Variants in RP2 observed in about 807,000 individuals in gnomAD.
The protein encoded by RP2 is protein XRP2.
Under a neutral mutation model 20.3 loss-of-function variants are expected in RP2, and 3 were observed. The observed-to-expected ratio is 0.15, with a 90% CI of 0.07 to 0.38. The LOEUF (loss-of-function observed/expected upper bound fraction) is 0.38, where lower values mean the gene tolerates loss of function less well. Ranked by LOEUF, RP2 falls within the 10% of genes least tolerant of loss-of-function variation. RP2 has a pLI of 1.00. For missense variants in RP2, 233 were observed against 268.5 expected (o/e 0.87, Z 0.92); for synonymous variants, 75 against 94.8 (o/e 0.79, Z 1.22).
At chrX:46,866,408 C>G (rs1556322527) in intron 3 of RP2, among the ~76,000 whole-genome samples, 3 of 111,913 alleles carry the variant, frequency 2.7e-5, no homozygotes, top group African/African-American at 9.7e-5. Flanking sequence ...GACCCTAATC[C>G]AGCACCACAG....
chrX:46,860,782 C>A (rs1210884540), intron 3 of RP2, among the ~76,000 whole-genome samples: 6 of 111,607 alleles, frequency 5.4e-5, no homozygotes, highest in Admixed American at 2.9e-4. Context: ...CCTTGACTGG[C>A]CTGAGCAAAT....
At chrX:46,867,826 C>G (rs1430642217) in intron 3 of RP2, among the ~76,000 whole-genome samples, 1 of 112,024 alleles carries the variant, frequency 8.9e-6, no homozygotes, top group Non-Finnish European at 1.9e-5. Flanking sequence ...CTGCAAATGA[C>G]AGGATTTCAT....
rs1925463584 is a variant in RP2, at chrX:46,881,234, C to A, written c.*1465C>A. On this transcript the variant is annotated 3_prime_UTR_variant, in exon 5 of 5. Coordinates refer to ENST00000218340, the MANE Select transcript of RP2 (RefSeq NM_006915.3). ...TAATTAGTAATATTGAGCGCTCACC[C>A]TGTGCGTGGCCTTGTGCTAACCATT... 2 of 111,301 alleles carry A rather than the reference C, an allele frequency of 1.8e-5. No individual in the cohort carries two copies. Among genetic ancestry groups the A allele is most frequent in the African/African-American group, 6.5e-5 (2 of 30,581 alleles). The allele number at this position is 111,301 out of a possible 1,213,427, so 9.2% of individuals were successfully genotyped here. A position where few individuals can be genotyped will look rare whatever the true frequency, so the allele number is the denominator to read the frequency against.
intron 3 of RP2, among the ~76,000 whole-genome samples, chrX:46,873,513 A>T (rs1925325271): frequency 8.9e-6 from 1 of 112,199 alleles, no homozygotes. Flanking sequence ...TGTAGTTTTT[A>T]AAAAATTTAG....
intron 1 of RP2, among the ~76,000 whole-genome samples, chrX:46,843,306 C>G (rs934935051): frequency 9.0e-6 from 1 of 111,702 alleles, no homozygotes; most frequent in African/African-American, 3.3e-5. Context: ...CGCGACTGGC[C>G]TATGTTTAAC....
chrX:46,847,466 G>T (rs1286054754), intron 1 of RP2, among the ~76,000 whole-genome samples: 2 of 106,832 alleles, frequency 1.9e-5, no homozygotes, highest in Admixed American at 2.1e-4. Context: ...GAGTCTTGCT[G>T]TGTCGCCAGG....
In RP2 at chrX:46,857,138, A is replaced by ATT. The variant is rs199538520; in HGVS notation, c.769-2839_769-2838dup. On this transcript the variant is annotated intron_variant, in intron 2 of 4. Transcript: ENST00000218340. ...CATTGTTTTAATGCATTAAATAATG[A>ATT]TTTTTTTTTTTTCGCAATAGGAAGT... 6.7e-3 allele frequency among the ~76,000 whole-genome samples: 710 copies of ATT among 105,850 alleles called. 4 individuals carry two copies. Among genetic ancestry groups the ATT allele is most frequent in the African/African-American group, 0.023 (687 of 29,253 alleles). 91.9% of individuals were successfully genotyped at this position (105,850 alleles called of 115,157 possible).
In RP2 at chrX:46,877,512, T is replaced by C. The variant is rs782314241; in HGVS notation, c.891T>C (p.Val297=). The C allele has an allele frequency of 8.3e-7, 1 of 1,200,927 alleles. No individual in the cohort carries two copies. Among genetic ancestry groups the C allele is most frequent in the Non-Finnish European group, 1.1e-6 (1 of 885,386 alleles). The change falls in exon 4 of 5, where the codon GTT becomes GTC. Residue 297 remains valine, a synonymous_variant. Transcript: ENST00000218340. ...TCTTGGGTTTGCTTATAGGTCCTGTTATTGCCTTGGAGTTTAATGGGGATG... is the reference window on the plus strand; with the variant it reads ...TCTTGGGTTTGCTTATAGGTCCTGTCATTGCCTTGGAGTTTAATGGGGATG... ...DFLPLLNKGP[V]IALEFNGDGA...
intron 3 of RP2, among the ~76,000 whole-genome samples, chrX:46,862,088 A>C (rs1925074950): frequency 8.9e-6 from 1 of 111,916 alleles, no homozygotes; most frequent in African/African-American, 3.2e-5. Context: ...GAAGTAGGAT[A>C]TTTGGCTGGG....
chrX:46,865,646 C>T (rs782622001), intron 3 of RP2, among the ~76,000 whole-genome samples: 1 of 112,505 alleles, frequency 8.9e-6, no homozygotes, highest in African/African-American at 3.2e-5. Flanking sequence ...AACATTTGTC[C>T]TGGCTGGGTG....
rs1437085627 is a variant in RP2, at chrX:46,859,247, C to G, written c.769-741C>G. Among the ~76,000 whole-genome samples, 3 of 110,874 alleles carry G rather than the reference C, an allele frequency of 2.7e-5. No individual in the cohort carries two copies. The Admixed American group carries it at 2.9e-4, about 11-fold the overall frequency. On this transcript the variant is annotated intron_variant, in intron 2 of 4. Coordinates refer to ENST00000218340, the MANE Select transcript of RP2 (RefSeq NM_006915.3). Reference sequence around the variant, plus strand: ...CTTATAATTCCAGCATCTTGGGTGGCTGAGGCAGGAGGATGGCTTGAGCCC... The same window carrying G: ...CTTATAATTCCAGCATCTTGGGTGGGTGAGGCAGGAGGATGGCTTGAGCCC...
intron 3 of RP2, among the ~76,000 whole-genome samples, chrX:46,876,643 C>G (rs1197489547): frequency 5.4e-5 from 6 of 111,291 alleles, no homozygotes; most frequent in African/African-American, 2.0e-4. Flanking sequence ...AAATCACAAG[C>G]CTTCAGTTAT....
At chrX:46,840,003 C>A in intron 1 of RP2, among the ~76,000 whole-genome samples, 1 of 111,911 alleles carries the variant, frequency 8.9e-6, no homozygotes, top group Non-Finnish European at 1.9e-5. Context: ...GAGATGGAGT[C>A]TGGCTCTGTC....
chrX:46,859,867 A>G, intron 2 of RP2, 121 bp from the exon 3 acceptor site: 1 of 535,858 alleles, frequency 1.9e-6, no homozygotes. Flanking sequence ...TTAGACTTAT[A>G]ATTAAAACAA....
chrX:46,849,665 A>T (rs1017294971), intron 1 of RP2, among the ~76,000 whole-genome samples: 2 of 112,334 alleles, frequency 1.8e-5, no homozygotes, highest in Non-Finnish European at 3.8e-5. Flanking sequence ...ATACTACAGA[A>T]CTATTTAGCT....
At chrX:46,863,774 A>T (rs1925117978) in intron 3 of RP2, among the ~76,000 whole-genome samples, 1 of 111,981 alleles carries the variant, frequency 8.9e-6, no homozygotes, top group African/African-American at 3.2e-5. Context: ...AATTGCTCCC[A>T]GTTGAGAATC....
rs781864873 is a variant in RP2 at position 46,857,114 on chromosome X, A to AT, written c.769-2872dup. ...GGAGGATTACAGAATTTTGTTTCACATTGTTTTAATGCATTAAATAATGAT... is the reference window on the plus strand; with the variant it reads ...GGAGGATTACAGAATTTTGTTTCACATTTGTTTTAATGCATTAAATAATGAT... On this transcript the variant is annotated intron_variant, in intron 2 of 4. Transcript: ENST00000218340. 5.4e-3 allele frequency among the ~76,000 whole-genome samples: 599 copies of AT among 110,736 alleles called. 4 individuals carry two copies. Among genetic ancestry groups the AT allele is most frequent in the Middle Eastern group, 9.3e-3 (2 of 215 alleles).
At chrX:46,864,294 C>A (rs2147084716) in intron 3 of RP2, among the ~76,000 whole-genome samples, 1 of 111,202 alleles carries the variant, frequency 9.0e-6, no homozygotes, top group East Asian at 2.8e-4. Flanking sequence ...CAGAGCGAGA[C>A]CTTGTCTCAA....
intron 1 of RP2, among the ~76,000 whole-genome samples, chrX:46,852,270 G>C (rs982975835): frequency 1.8e-5 from 2 of 110,812 alleles, no homozygotes; most frequent in Admixed American, 1.9e-4. Flanking sequence ...GAGGGAGGGA[G>C]GAAGGAAGGA....
Sources: gnomAD v4.1 joint callset for allele counts (sites outside exome capture counted in the v4.1 genomes callset) on GRCh38, gnomAD v4.1.1 for gene constraint, MANE v1.5 for transcripts, NCBI Gene and HGNC (gene_info 2026-07-23, HGNC 2026-07-21) for gene names.